Variants in PRTG observed in about 807,000 individuals in gnomAD.
PRTG encodes immunoglobulin superfamily, DCC subclass, member 5.
In PRTG, 67 loss-of-function variants were observed where a neutral mutation model predicts 122.5. The observed-to-expected ratio is 0.55, with a 90% CI of 0.45 to 0.67. The LOEUF (loss-of-function observed/expected upper bound fraction) is 0.67. PRTG is among the 30% of genes least tolerant of loss of function. PRTG has a pLI of 0.00. For synonymous variants in PRTG, 554 were observed against 501.1 expected, an observed-to-expected ratio of 1.11 and a Z score of -1.41; for missense variants, 1,435 against 1,415.4, an observed-to-expected ratio of 1.01 and a Z score of -0.22.
At chr15:55,656,538 C>T (rs186881586) in intron 11 of PRTG, among the ~76,000 whole-genome samples, 29 of 152,246 alleles carry the variant, frequency 1.9e-4, no homozygotes, top group Admixed American at 1.2e-3. Context: ...GATGGAGTCT[C>T]GCTCTGTTGC....
intron 2 of PRTG, among the ~76,000 whole-genome samples, chr15:55,739,779 G>A (rs1336978436): frequency 1.3e-5 from 2 of 152,174 alleles, no homozygotes; most frequent in East Asian, 3.9e-4. Flanking sequence ...GGGAAAAAGT[G>A]AGCAGATATG....
intron 11 of PRTG, among the ~76,000 whole-genome samples, chr15:55,645,350 C>T (rs1228882428): frequency 5.8e-5 from 8 of 138,504 alleles, no homozygotes; most frequent in Admixed American, 1.6e-4. Flanking sequence ...AGGAGAATGG[C>T]GTGAACCCGG....
intron 2 of PRTG, among the ~76,000 whole-genome samples, chr15:55,685,099 C>T (rs1267273635): frequency 6.6e-6 from 1 of 152,114 alleles, no homozygotes; most frequent in Non-Finnish European, 1.5e-5. Flanking sequence ...CTCCTCCCCT[C>T]CCCAGATTCC....
intron 2 of PRTG, among the ~76,000 whole-genome samples, chr15:55,710,645 G>A (rs2030342834): frequency 1.3e-5 from 2 of 151,962 alleles, no homozygotes; most frequent in African/African-American, 2.4e-5. Flanking sequence ...ATATACTTTT[G>A]TCTTTAAGTC....
chr15:55,650,728 G>T (rs2059348886), intron 11 of PRTG, among the ~76,000 whole-genome samples: 2 of 152,148 alleles, frequency 1.3e-5, no homozygotes, highest in African/African-American at 4.8e-5. Context: ...ACTTTGGGAG[G>T]CCAAGGGTGG....
At chr15:55,683,063 T>C (rs1289766117) in intron 3 of PRTG, among the ~76,000 whole-genome samples, 1 of 152,224 alleles carries the variant, frequency 6.6e-6, no homozygotes, top group African/African-American at 2.4e-5. Context: ...TTACAGAGTC[T>C]CATTTGACAT....
chr15:55,643,663 A>G (rs1231050744), intron 11 of PRTG, among the ~76,000 whole-genome samples: 1 of 151,730 alleles, frequency 6.6e-6, no homozygotes, highest in African/African-American at 2.4e-5. Flanking sequence ...CACTCAAGCT[A>G]TCTGCCCGCC....
chr15:55,711,460 C>A (rs2030384529), intron 2 of PRTG, among the ~76,000 whole-genome samples: 1 of 152,124 alleles, frequency 6.6e-6, no homozygotes, highest in African/African-American at 2.4e-5. Context: ...TCTGGGCAGA[C>A]CTTGACCTTG....
At position 55,725,895 on chromosome 15, in the gene PRTG, C is replaced by T. The variant is rs112162853; in HGVS notation, c.397+14487G>A. Among the ~76,000 whole-genome samples the T allele has an allele frequency of 4.9e-3, 748 of 152,162 alleles. 9 individuals are homozygous for T. The highest frequency in any genetic ancestry group is 0.017 in the African/African-American group (718 of 41,508). On this transcript the variant is annotated intron_variant, in intron 2 of 19. Coordinates refer to ENST00000389286, the MANE Select transcript of PRTG (RefSeq NM_173814.6). ...CAAGCAATTCTTCTGCCTCAGCCTC[C>T]GGAGTAGCTGAGATTACAGGGACCC...
At position 55,689,408 on chromosome 15, in the gene PRTG, T is replaced by C. The variant is rs113452078; in HGVS notation, c.398-5477A>G. 3.8e-4 allele frequency among the ~76,000 whole-genome samples: 58 copies of C among 152,222 alleles called. 1 individual carries two copies. Among genetic ancestry groups the C allele is most frequent in the African/African-American group, 9.1e-4 (38 of 41,534 alleles). On this transcript the variant is annotated intron_variant, in intron 2 of 19. Transcript: ENST00000389286. ...AAAAAAAATCTTCCTTTATGCCAAA[T>C]ACATATTTTAACTCTTTTTAGCTGG...
intron 15 of PRTG, among the ~76,000 whole-genome samples, chr15:55,634,423 C>A (rs1225736930): frequency 6.6e-6 from 1 of 152,114 alleles, no homozygotes; most frequent in African/African-American, 2.4e-5. Flanking sequence ...AGTATGTGTT[C>A]ATGCTATCAA....
intron 11 of PRTG, among the ~76,000 whole-genome samples, chr15:55,649,937 A>C (rs1293354490): frequency 6.6e-6 from 1 of 152,192 alleles, no homozygotes; most frequent in African/African-American, 2.4e-5. Context: ...CCATAACCAC[A>C]CTACTTGGGT....
At chr15:55,654,428 A>G (rs564408228) in intron 11 of PRTG, among the ~76,000 whole-genome samples, 1 of 152,356 alleles carries the variant, frequency 6.6e-6, no homozygotes, top group South Asian at 2.1e-4. Flanking sequence ...TACGAAATTT[A>G]TAATTCTAAA....
Position 55,617,347 on chromosome 15 carries a change from T to C in PRTG, c.*2665A>G, listed in dbSNP as rs1163171811. On this transcript the variant is annotated 3_prime_UTR_variant, in exon 20 of 20. Transcript: ENST00000389286. ...CCTGAAATTCTTTGGAACGATCTGC[T>C]GGTAAAGAAAGTATTACAACTTATT... 6.6e-6 allele frequency: 1 copy of C among 152,110 alleles called. No individual in the cohort carries two copies. Among genetic ancestry groups the C allele is most frequent in the Non-Finnish European group, 1.5e-5 (1 of 67,980 alleles). The allele number at this position is 152,110 out of a possible 1,614,324, so 9.4% of individuals were successfully genotyped here.
intron 11 of PRTG, among the ~76,000 whole-genome samples, chr15:55,652,506 C>T (rs1238918740): frequency 1.3e-5 from 2 of 152,134 alleles, no homozygotes; most frequent in Non-Finnish European, 2.9e-5. Context: ...AGGGTGACTG[C>T]ACTGCCCCCA....
chr15:55,662,157 G>C (rs1182587450), intron 11 of PRTG, among the ~76,000 whole-genome samples: 1 of 152,150 alleles, frequency 6.6e-6, no homozygotes, highest in East Asian at 1.9e-4. Flanking sequence ...ATATATTGCT[G>C]TCTTTCTTCT....
chr15:55,687,541 TG>T (rs1237983084), intron 2 of PRTG, among the ~76,000 whole-genome samples: 2 of 152,196 alleles, frequency 1.3e-5, no homozygotes, highest in African/African-American at 4.8e-5. Flanking sequence ...TTTTCTCAAA[TG>T]GATAAATCTA....
At chr15:55,685,819 ACT>A (rs2059567345) in intron 2 of PRTG, among the ~76,000 whole-genome samples, 1 of 152,090 alleles carries the variant, frequency 6.6e-6, no homozygotes, top group African/African-American at 2.4e-5. Flanking sequence ...TTGGAGAACC[ACT>A]CTTAGAATAT....
Position 55,627,090 on chromosome 15 carries a change from T to C in PRTG, c.2845A>G (p.Thr949Ala). ...GYYHLDQKSMTGIAVGVGIAL... is the reference protein window; with the variant it reads ...GYYHLDQKSMAGIAVGVGIAL... ...ATGCCAACACCTACAGCAATGCCAG[T>C]CATTGATTTTTGGTCCAGATGGTAA... The change falls in exon 17 of 20, where the codon ACT becomes GCT. Residue 949 changes from threonine (T) to alanine (A), a missense_variant. Physicochemically the swap from Thr to Ala is moderately conservative, Grantham distance 58. Transcript: ENST00000389286. 6.2e-7 allele frequency: 1 copy of C among 1,608,588 alleles called. No individual in the cohort carries two copies. Among genetic ancestry groups the C allele is most frequent in the Non-Finnish European group, 8.5e-7 (1 of 1,175,570 alleles).
Sources: gnomAD v4.1 joint callset for allele counts (sites outside exome capture counted in the v4.1 genomes callset) on GRCh38, gnomAD v4.1.1 for gene constraint, MANE v1.5 for transcripts, NCBI Gene and HGNC (gene_info 2026-07-23, HGNC 2026-07-21) for gene names.